The following EHMT1 variants were observed in gnomAD, a reference collection of about 807,000 sequenced individuals.
The protein encoded by EHMT1 is euchromatic histone lysine methyltransferase 1, also known as histone-lysine N-methyltransferase EHMT1.
Under a neutral mutation model 147.2 loss-of-function variants are expected in EHMT1, and 15 were observed. The observed-to-expected ratio is 0.10, with a 90% CI of 0.07 to 0.16. The LOEUF is 0.16. Ranked by LOEUF, EHMT1 falls within the 10% of genes least tolerant of loss-of-function variation. The pLI, the probability that EHMT1 is intolerant of heterozygous loss-of-function variation, is 1.00. For missense variants in EHMT1, 1,587 were observed against 1,772.4 expected, an observed-to-expected ratio of 0.90 and a Z score of 1.88; for synonymous variants, 795 against 709.6, an observed-to-expected ratio of 1.12 and a Z score of -1.91.
intron 14 of EHMT1, among the ~76,000 whole-genome samples, chr9:137,780,644 ACGGCATCT>A: frequency 1.6e-5 from 1 of 63,336 alleles, no homozygotes; most frequent in African/African-American, 7.7e-5. Context: ...TGTGGTGATG[ACGGCATCT>A]CACTGAGATG....
intron 3 of EHMT1, among the ~76,000 whole-genome samples, chr9:137,725,216 A>G (rs1042754070): frequency 2.3e-4 from 34 of 146,578 alleles, no homozygotes; most frequent in African/African-American, 7.4e-4. Flanking sequence ...TTCGTGGGGC[A>G]GGTATGTGGC....
Position 137,834,803 on chromosome 9 carries a change from C to A in EHMT1, c.3747C>A (p.Ile1249=). ...ACTATGGAGAGCGCTTCTGGGACAT[C>A]AAAGGCAAGCTCTTCAGCTGCCGCT... ...GFDYGERFWD[I]KGKLFSCRCG... The change falls in exon 27 of 27, where the codon ATC becomes ATA. Residue 1249 remains isoleucine (I), a synonymous_variant. Transcript: ENST00000460843. The A allele has an allele frequency of 1.2e-6, 2 of 1,613,006 alleles. No homozygotes were observed. The highest frequency in any genetic ancestry group is 1.7e-6 in the Non-Finnish European group (2 of 1,179,712).
At position 137,782,368 on chromosome 9, in the gene EHMT1, C is replaced by G; in HGVS notation, c.2353C>G (p.His785Asp). 6.2e-7 allele frequency: 1 copy of G among 1,611,946 alleles called. No homozygotes were observed. The highest frequency in any genetic ancestry group is 8.5e-7 in the Non-Finnish European group (1 of 1,179,792). The stretch of plus-strand genomic sequence containing the variant: ...ACTGCACGCCGCGGCAGAGGCTGGA[C>G]ACGTGGACATCTGCCACATGCTGGT... ...SPLHAAAEAG[H>D]VDICHMLVQA... Residue 785 changes from histidine (H) to aspartate (D), a missense_variant, in exon 15 of 27, where the codon CAC becomes GAC. Physicochemically the swap from His to Asp is moderately conservative, Grantham distance 81 (BLOSUM62 -1). This residue lies in a region of EHMT1 where 201 missense variants were observed against 350.1 expected (regional missense o/e 0.57). Coordinates refer to ENST00000460843, the MANE Select transcript of EHMT1 (RefSeq NM_024757.5). The surrounding 1 kb of genome is among the most constrained non-coding windows in gnomAD (Gnocchi z 5.7).
chr9:137,805,916 C>T (rs1211861781), intron 18 of EHMT1, among the ~76,000 whole-genome samples: 1 of 151,614 alleles, frequency 6.6e-6, no homozygotes, highest in African/African-American at 2.4e-5. Context: ...TCACCTTGGC[C>T]TCCCATAGTG....
Position 137,731,564 on chromosome 9 carries a change from C to A in EHMT1, c.823+3035C>A, listed in dbSNP as rs1264247150. ...GACAAAGGCCTTTTACAACAGTGTC[C>A]ATACAGAGCAGGAATCGGGGTACGT... On this transcript the variant is annotated intron_variant, in intron 4 of 26. Transcript: ENST00000460843. This position sits in a 1 kb window ranked among gnomAD's most constrained non-coding sequence, Gnocchi z 4.3. Among the ~76,000 whole-genome samples, 2 of 152,190 alleles carry A rather than the reference C, an allele frequency of 1.3e-5. No homozygotes were observed. Among genetic ancestry groups the A allele is most frequent in the East Asian group, 3.9e-4 (2 of 5,194 alleles).
chr9:137,768,211 C>T (rs796917668), intron 10 of EHMT1, among the ~76,000 whole-genome samples: 3 of 152,124 alleles, frequency 2.0e-5, no homozygotes, highest in African/African-American at 7.2e-5. Context: ...GACTGCATCA[C>T]GGTCCCTTTG....
intron 1 of EHMT1, among the ~76,000 whole-genome samples, chr9:137,644,333 T>G (rs2133857478): frequency 6.6e-6 from 1 of 152,124 alleles, no homozygotes; most frequent in African/African-American, 2.4e-5. Context: ...ACATACTTTT[T>G]TTTTTTTTTG....
chr9:137,821,355 T>A (rs188226483), intron 25 of EHMT1, among the ~76,000 whole-genome samples: 24 of 117,922 alleles, frequency 2.0e-4, no homozygotes, highest in Admixed American at 5.4e-4. Context: ...AGAGACCAGG[T>A]CTTGCTGTGT....
intron 4 of EHMT1, 119 bp downstream of exon 4, chr9:137,728,648 G>A (rs1946835785): frequency 2.9e-6 from 4 of 1,397,062 alleles, no homozygotes; most frequent in Admixed American, 1.8e-5. Flanking sequence ...AATGACTGTT[G>A]ACGTCAGCTG....
intron 25 of EHMT1, chr9:137,832,613 A>C (rs1217933697): frequency 7.3e-6 from 1 of 136,762 alleles, no homozygotes; most frequent in Non-Finnish European, 1.5e-5. Flanking sequence ...CCCGCCTCCC[A>C]CGTTGCCTAT....
At chr9:137,740,102 T>C (rs746918107) in intron 4 of EHMT1, among the ~76,000 whole-genome samples, 4 of 152,184 alleles carry the variant, frequency 2.6e-5, no homozygotes, top group Non-Finnish European at 5.9e-5. Flanking sequence ...CTGGAGCCTG[T>C]CGCCTTTCTT....
Position 137,775,037 on chromosome 9 carries a change from C to G in EHMT1, c.1648-72C>G. On this transcript the variant is annotated intron_variant, in intron 10 of 26. Transcript: ENST00000460843. The surrounding 1 kb of genome is among the most constrained non-coding windows in gnomAD (Gnocchi z 6.1). ...AGCAGCTCTTGTGTGCCTGCACTGC[C>G]CAGCGCCTGGTGGGAGGGAATGCCG... 1 of 1,605,988 alleles carries G rather than the reference C, an allele frequency of 6.2e-7. No individual in the cohort carries two copies. The highest frequency in any genetic ancestry group is 1.1e-5 in the South Asian group (1 of 90,682).
intron 15 of EHMT1, 150 bp from the exon 16 acceptor site, chr9:137,790,698 T>C (rs538839262): frequency 9.5e-7 from 1 of 1,050,260 alleles, no homozygotes; most frequent in Admixed American, 1.8e-5. Flanking sequence ...TAATTATGTC[T>C]TTGAATACGT....
chr9:137,686,580 A>G (rs1942451978), intron 1 of EHMT1, among the ~76,000 whole-genome samples: 2 of 151,660 alleles, frequency 1.3e-5, no homozygotes, highest in South Asian at 4.2e-4. Context: ...TGTAGAGACC[A>G]GGGTTTGCCA....
chr9:137,827,152 A>G (rs1955861788), intron 25 of EHMT1, among the ~76,000 whole-genome samples: 1 of 151,890 alleles, frequency 6.6e-6, no homozygotes, highest in African/African-American at 2.4e-5. Flanking sequence ...AGCACTCTCC[A>G]CACTCCTTGA....
intron 25 of EHMT1, among the ~76,000 whole-genome samples, chr9:137,825,587 G>A (rs1955756142): frequency 6.6e-6 from 1 of 152,222 alleles, no homozygotes; most frequent in Non-Finnish European, 1.5e-5. Context: ...ACAGTCAGAA[G>A]CAGGAGCCCT....
intron 8 of EHMT1, among the ~76,000 whole-genome samples, chr9:137,755,530 G>A (rs971253216): frequency 1.3e-5 from 2 of 152,182 alleles, no homozygotes; most frequent in East Asian, 1.9e-4. Context: ...TTAAGTGGCC[G>A]TGAACATTTG....
intron 25 of EHMT1, among the ~76,000 whole-genome samples, chr9:137,821,685 C>T (rs541699159): frequency 5.9e-5 from 9 of 152,094 alleles, no homozygotes; most frequent in Non-Finnish European, 1.2e-4. Flanking sequence ...GTTCTGAAGT[C>T]AGCTTAACAA....
chr9:137,669,396 C>T (rs1230483178), intron 1 of EHMT1, among the ~76,000 whole-genome samples: 40 of 150,264 alleles, frequency 2.7e-4, no homozygotes, highest in Non-Finnish European at 3.6e-4. Context: ...CCAAGACGCC[C>T]CCCACAGCAC....
Sources: gnomAD v4.1 joint callset for allele counts (sites outside exome capture counted in the v4.1 genomes callset) on GRCh38, gnomAD v4.1.1 for gene constraint, gnomAD v4.1.1 regional missense constraint, Gnocchi (gnomAD v3.1) non-coding constraint, MANE v1.5 for transcripts, NCBI Gene and HGNC (gene_info 2026-07-23, HGNC 2026-07-21) for gene names.